TBC1D12: variants seen among roughly 807,000 people sequenced by gnomAD.
The protein encoded by TBC1D12 is TBC1 domain family member 12.
TBC1D12 carries 56 observed loss-of-function variants against 86.7 expected under a neutral mutation model. The observed-to-expected ratio is 0.65, with a 90% CI of 0.52 to 0.81. The LOEUF (loss-of-function observed/expected upper bound fraction) is 0.81. TBC1D12 is among the 30% of genes least tolerant of loss of function. The probability of loss-of-function intolerance (pLI) is 0.00; values close to 1 mark genes in which losing one functional copy is unlikely to be tolerated. For missense variants in TBC1D12, 1,023 were observed against 1,038.8 expected, an observed-to-expected ratio of 0.98 and a Z score of 0.21; for synonymous variants, 421 against 411.7, an observed-to-expected ratio of 1.02 and a Z score of -0.27.
rs1000322962 is a variant in TBC1D12 at position 94,535,797 on chromosome 10, TTTC to T, written c.*2704_*2706del. Reference sequence around the variant, plus strand: ...TTGGACCTAAGTTACTGTATTTGTTTTTCTTATTTTTTTATTATTGTACAGTTT... The same window carrying T: ...TTGGACCTAAGTTACTGTATTTGTTTTTATTTTTTTATTATTGTACAGTTT... On this transcript the variant is annotated 3_prime_UTR_variant, in exon 13 of 13. Coordinates refer to ENST00000225235, the MANE Select transcript of TBC1D12 (RefSeq NM_015188.2). 6.6e-6 allele frequency: 1 copy of T among 152,198 alleles called. No individual in the cohort carries two copies. Among genetic ancestry groups the T allele is most frequent in the African/African-American group, 2.4e-5 (1 of 41,452 alleles). The allele number at this position is 152,198 out of a possible 1,614,324, so 9.4% of individuals were successfully genotyped here.
At chr10:94,465,466 T>C (rs1480401432) in intron 2 of TBC1D12, among the ~76,000 whole-genome samples, 1 of 151,730 alleles carries the variant, frequency 6.6e-6, no homozygotes, top group African/African-American at 2.4e-5. Context: ...GCTAACATGG[T>C]GAAAAGCCAT....
rs1842416325 is a variant in TBC1D12, at chr10:94,531,474, TTCTTA to T, written c.2259+19_2259+23del. On this transcript the variant is annotated intron_variant, in intron 12 of 12. Transcript: ENST00000225235. ...AAATGGACTCAGGTAGAGTGACATT[TTCTTA>T]TCTTTAATAGATGTGTTAAAGCAGT... The T allele has an allele frequency of 1.3e-6, 2 of 1,599,920 alleles. No individual in the cohort carries two copies. Among genetic ancestry groups the T allele is most frequent in the East Asian group, 4.5e-5 (2 of 44,582 alleles).
Position 94,497,142 on chromosome 10 carries a change from TCAA to T in TBC1D12, c.1383_1385del (p.Asn462del). ...ATTGCAAGTGCAATGGTAATTTGGA[TCAA>T]TGAAATACTGCCCAATTGGGAAGTA... On this transcript the variant is annotated inframe_deletion, in exon 5 of 13. Transcript: ENST00000225235. 6.4e-7 allele frequency: 1 copy of T among 1,559,276 alleles called. No homozygotes were observed. The highest frequency in any genetic ancestry group is 8.6e-7 in the Non-Finnish European group (1 of 1,160,252).
chr10:94,485,447 G>A (rs754247380), intron 3 of TBC1D12, among the ~76,000 whole-genome samples: 1 of 151,660 alleles, frequency 6.6e-6, no homozygotes, highest in African/African-American at 2.4e-5. Flanking sequence ...TGGTCATGAT[G>A]AATTATCTTT....
chr10:94,517,286 G>T (rs993311763), intron 9 of TBC1D12, among the ~76,000 whole-genome samples: 1 of 152,110 alleles, frequency 6.6e-6, no homozygotes, highest in Non-Finnish European at 1.5e-5. Flanking sequence ...GCTGAGCCAC[G>T]AGAATTGCTT....
At chr10:94,485,423 G>A (rs1316427401) in intron 3 of TBC1D12, among the ~76,000 whole-genome samples, 1 of 151,990 alleles carries the variant, frequency 6.6e-6, no homozygotes, top group Non-Finnish European at 1.5e-5. Flanking sequence ...TACATTCCAG[G>A]GATAAGGCTC....
At chr10:94,489,932 T>C (rs762437457) in intron 3 of TBC1D12, among the ~76,000 whole-genome samples, 1 of 152,092 alleles carries the variant, frequency 6.6e-6, no homozygotes, top group South Asian at 2.1e-4. Context: ...ACAGATACAA[T>C]GATAATGAAA....
At chr10:94,486,098 T>G (rs2056156510) in intron 3 of TBC1D12, among the ~76,000 whole-genome samples, 1 of 151,388 alleles carries the variant, frequency 6.6e-6, no homozygotes, top group African/African-American at 2.4e-5. Context: ...TTCTTTCAAT[T>G]TCATTTATTT....
intron 9 of TBC1D12, among the ~76,000 whole-genome samples, chr10:94,512,740 A>C (rs902161961): frequency 3.9e-5 from 6 of 152,200 alleles, no homozygotes; most frequent in African/African-American, 1.4e-4. Context: ...AGTATTTGAA[A>C]AGATCGTAAG....
intron 11 of TBC1D12, among the ~76,000 whole-genome samples, chr10:94,524,449 T>G (rs1842235357): frequency 1.3e-5 from 2 of 152,192 alleles, no homozygotes; most frequent in Admixed American, 6.5e-5. Context: ...ACATAAGATA[T>G]GTACTGTAAA....
At chr10:94,461,436 T>TA (rs1225852457) in intron 2 of TBC1D12, among the ~76,000 whole-genome samples, 8 of 152,166 alleles carry the variant, frequency 5.3e-5, no homozygotes, top group African/African-American at 1.9e-4. Context: ...CAGACCTTGT[T>TA]AAGAACAGAA....
intron 12 of TBC1D12, among the ~76,000 whole-genome samples, chr10:94,532,334 C>G (rs1015133873): frequency 1.3e-5 from 2 of 151,580 alleles, no homozygotes; most frequent in African/African-American, 4.9e-5. Context: ...CATGCCACCA[C>G]GCCCAGCTAA....
intron 3 of TBC1D12, among the ~76,000 whole-genome samples, chr10:94,486,927 T>C (rs1406775059): frequency 1.3e-5 from 2 of 152,224 alleles, no homozygotes; most frequent in African/African-American, 4.8e-5. Context: ...TCTATTATCG[T>C]ATTGAGGTGC....
chr10:94,442,486 A>T (rs1361619316), intron 2 of TBC1D12, among the ~76,000 whole-genome samples: 1 of 152,190 alleles, frequency 6.6e-6, no homozygotes, highest in East Asian at 1.9e-4. Flanking sequence ...TAAACCAAGG[A>T]CTTTGTAAAT....
intron 5 of TBC1D12, among the ~76,000 whole-genome samples, chr10:94,499,460 G>T (rs1353498291): frequency 2.6e-5 from 4 of 152,166 alleles, no homozygotes; most frequent in East Asian, 3.9e-4. Context: ...TATCCTACAG[G>T]TTCATCTGTG....
chr10:94,415,690 C>T (rs972970211), intron 1 of TBC1D12, among the ~76,000 whole-genome samples: 4 of 152,116 alleles, frequency 2.6e-5, no homozygotes, highest in African/African-American at 9.7e-5. Flanking sequence ...GCTGAGATGG[C>T]ACCACTGCAC....
chr10:94,415,228 ATAAG>A (rs1400780803), intron 1 of TBC1D12, among the ~76,000 whole-genome samples: 1 of 152,218 alleles, frequency 6.6e-6, no homozygotes, highest in Non-Finnish European at 1.5e-5. Flanking sequence ...TCCCAACTGA[ATAAG>A]TAGTTTCTGT....
In TBC1D12 at chr10:94,466,924, C is replaced by T. The variant is rs569172342; in HGVS notation, c.1096-7744C>T. On this transcript the variant is annotated intron_variant, in intron 2 of 12. Coordinates refer to ENST00000225235, the MANE Select transcript of TBC1D12 (RefSeq NM_015188.2). ...GGCCTTTGACAGTTTGTCATCTTTC[C>T]TTTTTTTAATGAACTTGACACTTTT... 1.8e-4 allele frequency among the ~76,000 whole-genome samples: 27 copies of T among 152,052 alleles called. No individual in the cohort carries two copies. The South Asian group carries it at 5.0e-3, about 28-fold the overall frequency.
rs964570499 is a variant in TBC1D12, at chr10:94,534,367, C to T, written c.*1271C>T. On this transcript the variant is annotated 3_prime_UTR_variant, in exon 13 of 13. Coordinates refer to ENST00000225235, the MANE Select transcript of TBC1D12 (RefSeq NM_015188.2). Reference sequence around the variant, plus strand: ...CACTATCCGCTAGTCTAGATAGTGACTCTTTGGAAAATTGGTAGCCTCTGA... The same window carrying T: ...CACTATCCGCTAGTCTAGATAGTGATTCTTTGGAAAATTGGTAGCCTCTGA... 1.3e-5 allele frequency: 2 copies of T among 152,174 alleles called. No homozygotes were observed. The highest frequency in any genetic ancestry group is 1.5e-5 in the Non-Finnish European group (1 of 68,022). The allele number at this position is 152,174 out of a possible 1,614,324, so 9.4% of individuals were successfully genotyped here.
Sources: allele counts gnomAD v4.1 joint callset (sites outside exome capture counted in the v4.1 genomes callset), GRCh38; gene constraint gnomAD v4.1.1; transcripts MANE v1.5; gene names NCBI Gene and HGNC (gene_info 2026-07-23, HGNC 2026-07-21).